Variants in KLF12 observed in about 807,000 individuals in gnomAD.
KLF12 encodes the protein KLF transcription factor 12.
Under a neutral mutation model 37.8 loss-of-function variants are expected in KLF12, and 9 were observed. The observed-to-expected ratio is 0.24, with a 90% confidence interval of 0.14 to 0.42. KLF12 has a LOEUF of 0.42. KLF12 is among the 10% of genes least tolerant of loss of function. The pLI is 1.00. For missense variants in KLF12, 411 were observed against 516.0 expected (o/e 0.80, Z 1.97); for synonymous variants, 208 against 202.1 (o/e 1.03, Z -0.25).
intron 1 of KLF12, among the ~76,000 whole-genome samples, chr13:74,052,880 G>C (rs1351341685): frequency 6.6e-6 from 1 of 151,980 alleles, no homozygotes; most frequent in Non-Finnish European, 1.5e-5. Flanking sequence ...CCACTCCCTG[G>C]CTAGTAGGGT....
At chr13:73,713,594 T>C (rs1024466600) in intron 7 of KLF12, among the ~76,000 whole-genome samples, 3 of 152,238 alleles carry the variant, frequency 2.0e-5, no homozygotes, top group African/African-American at 7.2e-5. Context: ...TGTGATTTCA[T>C]TGTATTAATA....
At chr13:74,190,771 T>C in the KLF12 span, among the ~76,000 whole-genome samples, 17 of 152,198 alleles carry the variant, frequency 1.1e-4, no homozygotes, top group Non-Finnish European at 2.1e-4. Flanking sequence ...TATTATTATT[T>C]ACATTTTCCT....
the KLF12 span, among the ~76,000 whole-genome samples, chr13:74,139,460 T>C: frequency 3.2e-4 from 49 of 152,328 alleles, no homozygotes; most frequent in African/African-American, 1.1e-3. Context: ...TGAGTTTCCA[T>C]TTGGGTGCAC....
intron 3 of KLF12, among the ~76,000 whole-genome samples, chr13:73,886,052 A>G (rs1209809762): frequency 6.6e-6 from 1 of 152,124 alleles, no homozygotes; most frequent in Non-Finnish European, 1.5e-5. Flanking sequence ...TGGTGGTGGT[A>G]GTAGAGGTCA....
chr13:73,709,345 G>A (rs547259996), intron 7 of KLF12, among the ~76,000 whole-genome samples: 1 of 152,088 alleles, frequency 6.6e-6, no homozygotes, highest in African/African-American at 2.4e-5. Context: ...CTCCCATAGC[G>A]TGCATGGCTC....
chr13:73,726,681 G>C (rs1876693844), intron 6 of KLF12, among the ~76,000 whole-genome samples: 1 of 152,132 alleles, frequency 6.6e-6, no homozygotes, highest in Non-Finnish European at 1.5e-5. Context: ...ATCACATTTA[G>C]TTTATTTAGT....
chr13:73,882,839 C>G (rs1887044559), intron 3 of KLF12, among the ~76,000 whole-genome samples: 1 of 152,058 alleles, frequency 6.6e-6, no homozygotes, highest in African/African-American at 2.4e-5. Context: ...TATTTTAAAG[C>G]AAATTATGGA....
At chr13:73,955,937 G>A (rs953231641) in intron 2 of KLF12, among the ~76,000 whole-genome samples, 9 of 152,040 alleles carry the variant, frequency 5.9e-5, no homozygotes, top group African/African-American at 2.2e-4. Flanking sequence ...CCCCACCTCC[G>A]CTTTTCCACA....
chr13:73,950,516 G>C (rs1890605618), intron 2 of KLF12, among the ~76,000 whole-genome samples: 1 of 152,160 alleles, frequency 6.6e-6, no homozygotes, highest in Non-Finnish European at 1.5e-5. Flanking sequence ...GCACACACTT[G>C]GGGGTTGTGA....
the KLF12 span, among the ~76,000 whole-genome samples, chr13:74,200,189 C>CA: frequency 1.3e-5 from 2 of 150,942 alleles, no homozygotes. Context: ...TAAGCTTGCT[C>CA]AGGGGGGGGG....
chr13:74,304,892 T>C, the KLF12 span, among the ~76,000 whole-genome samples: 1 of 152,096 alleles, frequency 6.6e-6, no homozygotes, highest in Non-Finnish European at 1.5e-5. Context: ...TATTAGAAAC[T>C]CTACAAGACA....
chr13:73,707,876 T>C (rs1875065432), intron 7 of KLF12, among the ~76,000 whole-genome samples: 1 of 152,162 alleles, frequency 6.6e-6, no homozygotes, highest in African/African-American at 2.4e-5. Flanking sequence ...CAAGAAATGA[T>C]GAGGCAAGTA....
At chr13:73,733,414 T>C (rs1300301198) in intron 6 of KLF12, among the ~76,000 whole-genome samples, 1 of 152,122 alleles carries the variant, frequency 6.6e-6, no homozygotes, top group East Asian at 1.9e-4. Context: ...TATTCGTCTT[T>C]TTATGTCTGT....
intron 5 of KLF12, among the ~76,000 whole-genome samples, chr13:73,794,549 A>G (rs1881859538): frequency 6.6e-6 from 1 of 152,224 alleles, no homozygotes. Flanking sequence ...TAACTTTTCT[A>G]TGTGGAATCC....
chr13:73,839,620 T>C (rs1232961972), intron 4 of KLF12, among the ~76,000 whole-genome samples: 1 of 152,214 alleles, frequency 6.6e-6, no homozygotes, highest in Non-Finnish European at 1.5e-5. Context: ...TTACTTTTAT[T>C]TTTACTTGTT....
At chr13:74,002,943 T>A (rs1414933146) in intron 1 of KLF12, among the ~76,000 whole-genome samples, 1 of 152,168 alleles carries the variant, frequency 6.6e-6, no homozygotes, top group African/African-American at 2.4e-5. Context: ...TATGGATAAA[T>A]GACATAATTA....
At chr13:73,739,170 G>A (rs1877758010) in intron 6 of KLF12, among the ~76,000 whole-genome samples, 1 of 151,738 alleles carries the variant, frequency 6.6e-6, no homozygotes, top group African/African-American at 2.4e-5. Flanking sequence ...CGAGGTGGAG[G>A]CTACAGTGAG....
chr13:73,792,656 G>A (rs1213780509), intron 5 of KLF12, among the ~76,000 whole-genome samples: 2 of 152,148 alleles, frequency 1.3e-5, no homozygotes, highest in Middle Eastern at 3.2e-3. Flanking sequence ...AAGGTCGCAT[G>A]GGTGTATACA....
the KLF12 span, among the ~76,000 whole-genome samples, chr13:74,239,879 G>A: frequency 1.4e-4 from 21 of 151,556 alleles, no homozygotes; most frequent in Non-Finnish European, 2.1e-4. Flanking sequence ...CACACTGATG[G>A]GTCTTGACTC....
Sources: allele counts gnomAD v4.1 joint callset (sites outside exome capture counted in the v4.1 genomes callset), GRCh38; gene constraint gnomAD v4.1.1; transcripts MANE v1.5; gene names NCBI Gene and HGNC (gene_info 2026-07-23, HGNC 2026-07-21).